Variants in C1orf210 observed in about 807,000 individuals in gnomAD.
C1orf210 encodes the protein type III endosome membrane protein TEMP.
In C1orf210, 3 loss-of-function variants were observed where a neutral mutation model predicts 3.7. That is an observed-to-expected ratio of 0.81 (90% CI 0.37 to 2.08). The LOEUF (loss-of-function observed/expected upper bound fraction) is 2.08. Ranked by LOEUF, C1orf210 falls within the 30% of genes most tolerant of loss-of-function variation. C1orf210 has a pLI of 0.06. For missense variants in C1orf210, 143 were observed against 147.7 expected, an observed-to-expected ratio of 0.97 and a Z score of 0.17; for synonymous variants, 62 against 61.7, an observed-to-expected ratio of 1.00 and a Z score of -0.02.
At chr1:43,283,742 C>T (rs1035009529) in intron 1 of C1orf210, among the ~76,000 whole-genome samples, 1 of 152,128 alleles carries the variant, frequency 6.6e-6, no homozygotes, top group African/African-American at 2.4e-5. Flanking sequence ...AGATTCGAAC[C>T]CAGAGCCCAG....
At chr1:43,284,604 A>G (rs1412141141) in intron 1 of C1orf210, among the ~76,000 whole-genome samples, 1 of 152,002 alleles carries the variant, frequency 6.6e-6, no homozygotes, top group East Asian at 1.9e-4. Flanking sequence ...GGTCTCTTCC[A>G]CAGAGTGATG....
intron 1 of C1orf210, among the ~76,000 whole-genome samples, chr1:43,284,120 G>A (rs1180487045): frequency 6.6e-6 from 1 of 152,208 alleles, no homozygotes; most frequent in Non-Finnish European, 1.5e-5. Context: ...GACACCTAGA[G>A]GAGGAACACT....
intron 1 of C1orf210, among the ~76,000 whole-genome samples, chr1:43,284,613 T>C (rs1646568496): frequency 6.6e-6 from 1 of 152,166 alleles, no homozygotes; most frequent in Non-Finnish European, 1.5e-5. Flanking sequence ...CACAGAGTGA[T>C]GGGCCTACAA....
In C1orf210 at chr1:43,283,283, T is replaced by G. The variant is rs893953330; in HGVS notation, c.-13A>C. ...TTGTCTCATTCATGGAGGGGCCTGA[T>G]GACACCAGTGAGTCTCAGCCTCAAC... On this transcript the variant is annotated 5_prime_UTR_variant, in exon 2 of 3. Coordinates refer to ENST00000523677, the MANE Select transcript of C1orf210 (RefSeq NM_182517.3). The G allele has an allele frequency of 3.1e-6, 5 of 1,613,894 alleles. No individual in the cohort carries two copies. In the South Asian group the frequency reaches 5.5e-5, roughly 18 times the overall value.
chr1:43,283,321 T>C lies in C1orf210; in HGVS notation c.-51A>G. The C allele has an allele frequency of 6.2e-7, 1 of 1,607,324 alleles. No individual in the cohort carries two copies. Among genetic ancestry groups the C allele is most frequent in the Non-Finnish European group, 8.5e-7 (1 of 1,177,360 alleles). ...TCTCAGCCTCAACCAGAAAGAGCCCTGGCTCTGAGGAGGCCCCCAGATGCC... is the reference window on the plus strand; with the variant it reads ...TCTCAGCCTCAACCAGAAAGAGCCCCGGCTCTGAGGAGGCCCCCAGATGCC... On this transcript the variant is annotated 5_prime_UTR_variant, in exon 2 of 3. Transcript: ENST00000523677.
In C1orf210 at chr1:43,282,761, T is replaced by A. The variant is rs111918624; in HGVS notation, c.*24A>T. On this transcript the variant is annotated 3_prime_UTR_variant, in exon 3 of 3. Transcript: ENST00000523677. The stretch of plus-strand genomic sequence containing the variant: ...CTTAAGCTGTCAGGCATGGAGGGAG[T>A]GGGGAGGGTCTAAAGATGGGAGCTC... 1,482 of 1,549,102 alleles carry A rather than the reference T, an allele frequency of 9.6e-4. 15 individuals carry two copies. The African/African-American group carries it at 0.018, about 19-fold the overall frequency.
rs370608338 is a variant in C1orf210, at chr1:43,284,341, G to A, written c.-98-973C>T. Among the ~76,000 whole-genome samples the A allele has an allele frequency of 4.6e-5, 7 of 152,200 alleles. 1 individual carries two copies. Among genetic ancestry groups the A allele is most frequent in the Admixed American group, 2.6e-4 (4 of 15,284 alleles). ...CACCTGAACCAGGGGAGTCCTTGGG[G>A]GCAGAGTAGCCGGGCTAGGGAAGTA... On this transcript the variant is annotated intron_variant, in intron 1 of 2. Coordinates refer to ENST00000523677, the MANE Select transcript of C1orf210 (RefSeq NM_182517.3).
rs1484100239 is a variant in C1orf210 at position 43,285,508 on chromosome 1, G to T, written c.-163C>A. 2.0e-5 allele frequency: 3 copies of T among 152,478 alleles called. No homozygotes were observed. Among genetic ancestry groups the T allele is most frequent in the African/African-American group, 7.2e-5 (3 of 41,426 alleles). The allele number at this position is 152,478 out of a possible 1,614,324, so 9.4% of individuals were successfully genotyped here. ...CCCCTTGGGTACTGTGCAGAGCCTGGGTACCCCCTCCCCGGCCCCCCCGGG... is the reference window on the plus strand; with the variant it reads ...CCCCTTGGGTACTGTGCAGAGCCTGTGTACCCCCTCCCCGGCCCCCCCGGG... On this transcript the variant is annotated 5_prime_UTR_variant, in exon 1 of 3. Transcript: ENST00000523677.
At chr1:43,284,730 C>T (rs1473699429) in intron 1 of C1orf210, among the ~76,000 whole-genome samples, 1 of 152,184 alleles carries the variant, frequency 6.6e-6, no homozygotes, top group East Asian at 1.9e-4. Context: ...AACTCTTCTT[C>T]CTCTTCTCCA....
chr1:43,283,224 C>A (rs1163845366), intron 2 of C1orf210, 28 bp downstream of exon 2: 2 of 1,611,164 alleles, frequency 1.2e-6, no homozygotes, highest in South Asian at 2.2e-5. Flanking sequence ...AAGCCCCCCA[C>A]CCCCATCATC....
Position 43,282,842 on chromosome 1 carries a change from A to G in C1orf210, c.285T>C (p.Ile95=). 6.2e-7 allele frequency: 1 copy of G among 1,613,958 alleles called. No individual in the cohort carries two copies. The highest frequency in any genetic ancestry group is 8.5e-7 in the Non-Finnish European group (1 of 1,179,862). ...DDDGFIEDNY[I]QPGTGELGTE... is the part of the protein sequence containing the mutation. ...TCCCCAGCTCGCCAGTCCCAGGCTG[A>G]ATGTAATTGTCCTCGATGAAGCCAT... The change falls in exon 3 of 3, where the codon ATT becomes ATC. Residue 95 remains isoleucine (I), a synonymous_variant. Transcript: ENST00000523677.
intron 1 of C1orf210, among the ~76,000 whole-genome samples, chr1:43,285,183 G>A (rs994929017): frequency 2.0e-5 from 3 of 152,146 alleles, no homozygotes; most frequent in African/African-American, 7.2e-5. Flanking sequence ...CGCAAAACAT[G>A]AGAATGTGTT....
chr1:43,283,178 G>A, intron 2 of C1orf210, 71 bp from the exon 3 acceptor site: 2 of 1,598,072 alleles, frequency 1.3e-6, no homozygotes, highest in Non-Finnish European at 1.7e-6. Flanking sequence ...GAGCAGTGCA[G>A]GTAGGGTCCT....
rs1190902691 is a variant in C1orf210 at position 43,283,216 on chromosome 1, G to GC, written c.19+35dup. 10 of 1,607,612 alleles carry GC rather than the reference G, an allele frequency of 6.2e-6. 1 individual carries two copies. In the Admixed American group the frequency reaches 1.2e-4, roughly 19 times the overall value. On this transcript the variant is annotated intron_variant, in intron 2 of 2. Coordinates refer to ENST00000523677, the MANE Select transcript of C1orf210 (RefSeq NM_182517.3). ...CCCCAACCCCAGCATCTAAGGGGAA[G>GC]CCCCCCACCCCCATCATCCTCCCAC...
chr1:43,284,665 A>G (rs1258283436), intron 1 of C1orf210, among the ~76,000 whole-genome samples: 1 of 152,018 alleles, frequency 6.6e-6, no homozygotes, highest in Admixed American at 6.6e-5. Flanking sequence ...AAATCCCTTC[A>G]AAAGCTCCCC....
Position 43,282,941 on chromosome 1 carries a change from G to A in C1orf210, c.186C>T (p.Ala62=), listed in dbSNP as rs1257423520. 6.2e-7 allele frequency: 1 copy of A among 1,614,204 alleles called. No individual in the cohort carries two copies. The change falls in exon 3 of 3, where the codon GCC becomes GCT. Residue 62 remains alanine (A), a synonymous_variant. Transcript: ENST00000523677. ...AKCHLCRRYH[A]SYRHRPLPET... ...CAGGCAGTGGGCGGTGCCGGTAGCT[G>A]GCATGGTATCGGCGGCAGAGGTGGC...
Position 43,282,994 on chromosome 1 carries a change from A to G in C1orf210, c.133T>C (p.Ser45Pro). 1 of 1,614,104 alleles carries G rather than the reference A, an allele frequency of 6.2e-7. No homozygotes were observed. The highest frequency in any genetic ancestry group is 8.5e-7 in the Non-Finnish European group (1 of 1,179,948). ...TTGGCAGCAAGTGCAATGAGGAGCG[A>G]GAGGACCACAGCCCCCAGCACAAAT... ...VGFVLGAVVL[S>P]LLIALAAKCH... Residue 45 changes from serine (S) to proline (P), a missense_variant, in exon 3 of 3, where the codon TCG becomes CCG. Coordinates refer to ENST00000523677, the MANE Select transcript of C1orf210 (RefSeq NM_182517.3).
chr1:43,283,197 C>A, intron 2 of C1orf210, 55 bp downstream of exon 2: 1 of 1,601,094 alleles, frequency 6.2e-7, no homozygotes, highest in Non-Finnish European at 8.5e-7. Flanking sequence ...CTTCCCCCAA[C>A]CCCAGCATCT....
chr1:43,282,685 C>A lies in C1orf210; in HGVS notation c.*100G>T. 1 of 1,272,234 alleles carries A rather than the reference C, an allele frequency of 7.9e-7. No individual in the cohort carries two copies. Among genetic ancestry groups the A allele is most frequent in the East Asian group, 2.4e-5 (1 of 42,542 alleles). The allele number at this position is 1,272,234 out of a possible 1,614,324, so 78.8% of individuals were successfully genotyped here. On this transcript the variant is annotated 3_prime_UTR_variant, in exon 3 of 3. Transcript: ENST00000523677. Reference sequence around the variant, plus strand: ...TCCATCCCTGGCCAACCTTTAAGCCCCAGCCACCTCTGTCCCTGAGGTTCA... The same window carrying A: ...TCCATCCCTGGCCAACCTTTAAGCCACAGCCACCTCTGTCCCTGAGGTTCA...
Sources: gnomAD v4.1 joint callset for allele counts (sites outside exome capture counted in the v4.1 genomes callset) on GRCh38, gnomAD v4.1.1 for gene constraint, MANE v1.5 for transcripts, NCBI Gene and HGNC (gene_info 2026-07-23, HGNC 2026-07-21) for gene names.